PLPP4: variants seen among roughly 807,000 people sequenced by gnomAD.
PLPP4 encodes the protein phospholipid phosphatase 4.
In PLPP4, 20 loss-of-function variants were observed where a neutral mutation model predicts 32.2. The observed-to-expected ratio is 0.62, with a 90% CI of 0.44 to 0.90. The LOEUF (loss-of-function observed/expected upper bound fraction) is 0.90, where lower values mean the gene tolerates loss of function less well. PLPP4 is among the 40% of genes least tolerant of loss of function. The pLI is 0.00. For synonymous variants in PLPP4, 127 were observed against 133.0 expected (o/e 0.95, Z 0.31); for missense variants, 257 against 353.1 (o/e 0.73, Z 2.18).
At chr10:120,537,640 T>C (rs1036977866) in intron 5 of PLPP4, among the ~76,000 whole-genome samples, 1 of 152,212 alleles carries the variant, frequency 6.6e-6, no homozygotes, top group African/African-American at 2.4e-5. Flanking sequence ...TAATTAGTAA[T>C]GTATTGTATA....
At chr10:120,533,932 T>G (rs1414822097) in intron 5 of PLPP4, among the ~76,000 whole-genome samples, 1 of 152,176 alleles carries the variant, frequency 6.6e-6, no homozygotes, top group African/African-American at 2.4e-5. Flanking sequence ...TTTCCATATG[T>G]TGTAGGAACA....
At chr10:120,559,015 A>G (rs1405805104) in intron 5 of PLPP4, among the ~76,000 whole-genome samples, 1 of 152,210 alleles carries the variant, frequency 6.6e-6, no homozygotes, top group Admixed American at 6.5e-5. Context: ...GTCGGCACCT[A>G]ACATGGTCAG....
At chr10:120,567,323 T>C (rs1282141711) in intron 5 of PLPP4, among the ~76,000 whole-genome samples, 1 of 152,218 alleles carries the variant, frequency 6.6e-6, no homozygotes, top group Non-Finnish European at 1.5e-5. Context: ...TTTCCAGATA[T>C]TTGTTTCCTC....
At chr10:120,588,241 G>A (rs911704480) in intron 6 of PLPP4, among the ~76,000 whole-genome samples, 2 of 152,238 alleles carry the variant, frequency 1.3e-5, no homozygotes, top group African/African-American at 2.4e-5. Flanking sequence ...GATACTAAGC[G>A]AGAGTTGTTT....
At chr10:120,548,222 C>T (rs114106410) in intron 5 of PLPP4, among the ~76,000 whole-genome samples, 3 of 152,056 alleles carry the variant, frequency 2.0e-5, no homozygotes, top group East Asian at 3.9e-4. Context: ...GATCCTCACC[C>T]TCCTCCCACC....
intron 1 of PLPP4, among the ~76,000 whole-genome samples, chr10:120,477,157 T>TA (rs1172787312): frequency 6.6e-6 from 1 of 151,314 alleles, no homozygotes; most frequent in Admixed American, 6.6e-5. Flanking sequence ...ATTATCTGTG[T>TA]ACTTTATGCC....
At position 120,589,410 on chromosome 10, in the gene PLPP4, C is replaced by A; in HGVS notation, c.724C>A (p.Arg242=). 2.5e-6 allele frequency: 4 copies of A among 1,614,118 alleles called. No homozygotes were observed. The highest frequency in any genetic ancestry group is 3.4e-6 in the Non-Finnish European group (4 of 1,180,012). ...TACHKPYVSL[R]VPASLKKEER... is the part of the protein sequence containing the mutation. ...TTGCCATAAACCCTACGTTAGTCTG[C>A]GAGTCCCAGCCTCACTGAAGAAAGA... The change falls in exon 7 of 7, where the codon CGA becomes AGA. Residue 242 remains arginine, a synonymous_variant. Coordinates refer to ENST00000398250, the MANE Select transcript of PLPP4 (RefSeq NM_001030059.3).
intron 5 of PLPP4, among the ~76,000 whole-genome samples, chr10:120,532,842 A>G (rs1846805472): frequency 6.6e-6 from 1 of 152,164 alleles, no homozygotes; most frequent in South Asian, 2.1e-4. Flanking sequence ...TATTATGTGG[A>G]TATAGGTCAC....
At chr10:120,577,136 C>G (rs1266231219) in intron 6 of PLPP4, among the ~76,000 whole-genome samples, 1 of 152,158 alleles carries the variant, frequency 6.6e-6, no homozygotes, top group Admixed American at 6.5e-5. Flanking sequence ...TACATTTTTT[C>G]TAAGGAAGGA....
Position 120,563,848 on chromosome 10 carries a change from T to C in PLPP4, c.446-11283T>C, listed in dbSNP as rs552155554. Among the ~76,000 whole-genome samples, 328 of 150,464 alleles carry C rather than the reference T, an allele frequency of 2.2e-3. 1 individual carries two copies. The highest frequency in any genetic ancestry group is 0.01 in the Middle Eastern group (3 of 292). On this transcript the variant is annotated intron_variant, in intron 5 of 6. Coordinates refer to ENST00000398250, the MANE Select transcript of PLPP4 (RefSeq NM_001030059.3). ...AAAAAAAAAAAAAAATCTTGAATTT[T>C]AAAATATTTTTGTCTTGAGATATTT...
chr10:120,532,797 ATTAGTAC>A (rs1846802714), intron 5 of PLPP4, among the ~76,000 whole-genome samples: 1 of 152,324 alleles, frequency 6.6e-6, no homozygotes, highest in South Asian at 2.1e-4. Context: ...TGTAGCATAT[ATTAGTAC>A]TTTATTTTTT....
At chr10:120,584,455 C>T (rs1380216170) in intron 6 of PLPP4, among the ~76,000 whole-genome samples, 1 of 152,220 alleles carries the variant, frequency 6.6e-6, no homozygotes, top group Non-Finnish European at 1.5e-5. Context: ...GGCCATCATG[C>T]CCGACCCCTG....
intron 5 of PLPP4, among the ~76,000 whole-genome samples, chr10:120,563,806 C>A (rs1205333522): frequency 5.8e-5 from 5 of 86,462 alleles, no homozygotes; most frequent in African/African-American, 1.5e-4. Flanking sequence ...GACTCCGTCT[C>A]AAAAAAAAAA....
intron 4 of PLPP4, among the ~76,000 whole-genome samples, chr10:120,520,162 G>T (rs1486846089): frequency 6.6e-6 from 1 of 152,182 alleles, no homozygotes; most frequent in Non-Finnish European, 1.5e-5. Flanking sequence ...TGTGATTGCT[G>T]CAGGAGGCTC....
chr10:120,565,355 T>TGTGC (rs1554896517), intron 5 of PLPP4, among the ~76,000 whole-genome samples: 5,272 of 132,646 alleles, frequency 0.04, 141 homozygotes, highest in East Asian at 0.097. Context: ...TGTGTGTGTG[T>TGTGC]GTGTGTGCTG....
At chr10:120,586,606 G>C (rs541253728) in intron 6 of PLPP4, among the ~76,000 whole-genome samples, 25 of 152,096 alleles carry the variant, frequency 1.6e-4, no homozygotes, top group Admixed American at 1.4e-3. Flanking sequence ...TGGGAAAGGG[G>C]CATGCCCAAA....
chr10:120,518,867 C>T lies in PLPP4; in HGVS notation c.291C>T (p.Cys97=). 1 of 1,612,526 alleles carries T rather than the reference C, an allele frequency of 6.2e-7. No homozygotes were observed. Among genetic ancestry groups the T allele is most frequent in the Non-Finnish European group, 8.5e-7 (1 of 1,179,200 alleles). Residue 97 remains cysteine (C), a synonymous_variant, in exon 4 of 7, where the codon TGC becomes TGT. Transcript: ENST00000398250. ...TGGCTCTTGCTTTGAATGGAGTCTG[C>T]ACAAACACTATTAAATTAATAGTGG... ...VSLALALNGV[C]TNTIKLIVGR...
intron 1 of PLPP4, among the ~76,000 whole-genome samples, chr10:120,479,011 G>T (rs1024544205): frequency 6.6e-6 from 1 of 152,188 alleles, no homozygotes; most frequent in Non-Finnish European, 1.5e-5. Context: ...CAGATCATGA[G>T]GTCAGGAGAT....
intron 1 of PLPP4, among the ~76,000 whole-genome samples, chr10:120,492,972 C>T (rs752700946): frequency 1.3e-5 from 2 of 152,154 alleles, no homozygotes; most frequent in African/African-American, 2.4e-5. Flanking sequence ...TCCTAAACCC[C>T]CCTAAATGTT....
Sources: allele counts gnomAD v4.1 joint callset (sites outside exome capture counted in the v4.1 genomes callset), GRCh38; gene constraint gnomAD v4.1.1; transcripts MANE v1.5; gene names NCBI Gene and HGNC (gene_info 2026-07-23, HGNC 2026-07-21).